The following ARHGAP25 variants were observed in gnomAD, a reference collection of about 807,000 sequenced individuals.
ARHGAP25 encodes the protein Rho GTPase activating protein 25.
In ARHGAP25, 34 loss-of-function variants were observed where a neutral mutation model predicts 71.0. The observed-to-expected ratio is 0.48, with a 90% CI of 0.36 to 0.64. ARHGAP25 has a LOEUF of 0.64. ARHGAP25 is among the 30% of genes least tolerant of loss of function. The probability of loss-of-function intolerance (pLI) is 0.00; values close to 1 mark genes in which losing one functional copy is unlikely to be tolerated. For synonymous variants in ARHGAP25, 282 were observed against 296.5 expected (o/e 0.95, Z 0.50); for missense variants, 706 against 805.1 (o/e 0.88, Z 1.49).
intron 8 of ARHGAP25, 69 bp from the exon 9 acceptor site, chr2:68,819,054 T>TG: frequency 7.3e-7 from 1 of 1,363,318 alleles, no homozygotes; most frequent in Non-Finnish European, 1.0e-6. Flanking sequence ...CATCCACGGG[T>TG]GGGGATCCTT....
rs542184419 is a variant in ARHGAP25, at chr2:68,712,987, T to C, written c.-18+2289T>C. On this transcript the variant is annotated intron_variant and NMD_transcript_variant, in intron 2 of 7. Coordinates refer to the ARHGAP25 transcript ENST00000463483. ...TTTTGGCTTAGGATTGTCTGGGCTA[T>C]ACAGGCTCTTTTTTCATTCCATATG... Among the ~76,000 whole-genome samples the C allele has an allele frequency of 5.3e-5, 8 of 152,356 alleles. No homozygotes were observed. The South Asian group carries it at 1.7e-3, about 32-fold the overall frequency.
chr2:68,786,049 T>G (rs1286112520), intron 3 of ARHGAP25, among the ~76,000 whole-genome samples: 2 of 152,210 alleles, frequency 1.3e-5, no homozygotes, highest in African/African-American at 4.8e-5. Context: ...CTTAATATCA[T>G]CAAGCTTCAC....
At chr2:68,804,581 T>G (rs1162113620) in intron 4 of ARHGAP25, among the ~76,000 whole-genome samples, 3 of 152,226 alleles carry the variant, frequency 2.0e-5, no homozygotes, top group Non-Finnish European at 2.9e-5. Flanking sequence ...AGACAGTCCA[T>G]CTGTTATGTT....
intron 2 of ARHGAP25, among the ~76,000 whole-genome samples, chr2:68,711,225 C>T (rs1674474925): frequency 6.6e-6 from 1 of 152,142 alleles, no homozygotes; most frequent in Non-Finnish European, 1.5e-5. Context: ...ATCCATGGTG[C>T]TGGTTGTGGT....
At chr2:68,810,190 C>T (rs1680682435) in intron 5 of ARHGAP25, among the ~76,000 whole-genome samples, 1 of 147,750 alleles carries the variant, frequency 6.8e-6, no homozygotes, top group Non-Finnish European at 1.5e-5. Context: ...GAACAGCAAA[C>T]TCAGAAAAAA....
intron 6 of ARHGAP25, among the ~76,000 whole-genome samples, chr2:68,813,807 G>A (rs1681006267): frequency 6.6e-6 from 1 of 152,176 alleles, no homozygotes; most frequent in East Asian, 1.9e-4. Flanking sequence ...GTCAGGCGTG[G>A]TCATCCAAGG....
intron 4 of ARHGAP25, among the ~76,000 whole-genome samples, chr2:68,789,926 G>T (rs1679045082): frequency 6.6e-6 from 1 of 152,158 alleles, no homozygotes; most frequent in African/African-American, 2.4e-5. Flanking sequence ...GGGGAAATCA[G>T]AGTGCAACAG....
intron 1 of ARHGAP25, among the ~76,000 whole-genome samples, chr2:68,752,898 G>A (rs766986160): frequency 6.6e-6 from 1 of 152,120 alleles, no homozygotes; most frequent in Non-Finnish European, 1.5e-5. Flanking sequence ...AAGAGAGAGA[G>A]ATATCAGGGA....
At chr2:68,803,558 A>T (rs74333664) in intron 4 of ARHGAP25, among the ~76,000 whole-genome samples, 6,563 of 152,160 alleles carry the variant, frequency 0.043, 477 homozygotes, top group African/African-American at 0.15. Context: ...CTGAGGTGGG[A>T]GATTATTCTT....
At chr2:68,825,862 G>C in intron 10 of ARHGAP25, 125 bp from the exon 11 acceptor site, 1 of 755,048 alleles carries the variant, frequency 1.3e-6, no homozygotes, top group Admixed American at 2.8e-5. Context: ...GAGGGACATA[G>C]CTGAGAGGTT....
chr2:68,750,196 G>A (rs916335312), intron 1 of ARHGAP25, among the ~76,000 whole-genome samples: 6 of 147,430 alleles, frequency 4.1e-5, no homozygotes, highest in African/African-American at 1.5e-4. Flanking sequence ...TCTTTTTGTA[G>A]AGATGAGGTC....
intron 6 of ARHGAP25, 78 bp downstream of exon 6, chr2:68,813,497 T>TG (rs1680982924): frequency 2.0e-6 from 3 of 1,520,702 alleles, no homozygotes; most frequent in Admixed American, 4.0e-5. Flanking sequence ...TAGGCAACAG[T>TG]GGGTCAAGGG....
At chr2:68,792,923 T>C (rs1679286111) in intron 4 of ARHGAP25, among the ~76,000 whole-genome samples, 1 of 152,176 alleles carries the variant, frequency 6.6e-6, no homozygotes, top group South Asian at 2.1e-4. Context: ...CTCTGCATCT[T>C]GACCGACATC....
intron 3 of ARHGAP25, among the ~76,000 whole-genome samples, chr2:68,783,995 C>A (rs1276964099): frequency 6.6e-6 from 1 of 152,182 alleles, no homozygotes; most frequent in African/African-American, 2.4e-5. Context: ...ACTGAGAGAT[C>A]CAGCTGAAGA....
At chr2:68,798,968 A>G (rs1679768860) in intron 4 of ARHGAP25, among the ~76,000 whole-genome samples, 1 of 152,242 alleles carries the variant, frequency 6.6e-6, no homozygotes, top group African/African-American at 2.4e-5. Flanking sequence ...TTAAAAGATC[A>G]TTCTACTTGC....
At chr2:68,757,000 G>A (rs1349065677) in intron 1 of ARHGAP25, among the ~76,000 whole-genome samples, 1 of 152,098 alleles carries the variant, frequency 6.6e-6, no homozygotes, top group African/African-American at 2.4e-5. Flanking sequence ...AGAAATGCGG[G>A]AGCTGAAAAG....
At chr2:68,775,122 C>T in intron 1 of ARHGAP25, 99 bp from the exon 2 acceptor site, 1 of 1,601,246 alleles carries the variant, frequency 6.2e-7, no homozygotes, top group Admixed American at 1.7e-5. Flanking sequence ...CGTCCCCCCG[C>T]TTCTCAGCCC....
chr2:68,712,337 C>G (rs7581845), intron 2 of ARHGAP25, among the ~76,000 whole-genome samples: 43 of 152,248 alleles, frequency 2.8e-4, no homozygotes, highest in African/African-American at 1.0e-3. Flanking sequence ...CTGTTCATAT[C>G]CTTCACCCAC....
chr2:68,795,884 T>C (rs1182828415), intron 4 of ARHGAP25, among the ~76,000 whole-genome samples: 4 of 152,232 alleles, frequency 2.6e-5, no homozygotes, highest in Admixed American at 1.3e-4. Flanking sequence ...ACTGTGTTGC[T>C]GTCAATCTCT....
Sources: allele counts gnomAD v4.1 joint callset (sites outside exome capture counted in the v4.1 genomes callset), GRCh38; gene constraint gnomAD v4.1.1; transcripts MANE v1.5; gene names NCBI Gene and HGNC (gene_info 2026-07-23, HGNC 2026-07-21).